Variants in SLC26A2 observed in about 807,000 individuals in gnomAD.
SLC26A2 encodes the protein solute carrier family 26 member 2.
A neutral mutation model predicts 41.1 loss-of-function variants in SLC26A2; 36 were observed. That is an observed-to-expected ratio of 0.88 (90% CI 0.67 to 1.16). The LOEUF is 1.16. Ranked by LOEUF, SLC26A2 falls within the 50% of genes most tolerant of loss-of-function variation. The probability of loss-of-function intolerance (pLI) is 0.00; values close to 1 mark genes in which losing one functional copy is unlikely to be tolerated. For missense variants in SLC26A2, 796 were observed against 869.6 expected (o/e 0.92, Z 1.07); for synonymous variants, 291 against 311.6 (o/e 0.93, Z 0.70).
rs1023258943 is a variant in SLC26A2, at chr5:149,986,376, C to T, written c.*4563C>T. On this transcript the variant is annotated 3_prime_UTR_variant, in exon 3 of 3. Transcript: ENST00000286298. ...TAATGGAAAAGGACAAAATAATATACCAGCTGGTTTGTTATTATAGTCCGT... is the reference window on the plus strand; with the variant it reads ...TAATGGAAAAGGACAAAATAATATATCAGCTGGTTTGTTATTATAGTCCGT... 5 of 151,554 alleles carry T rather than the reference C, an allele frequency of 3.3e-5. No individual in the cohort carries two copies. The highest frequency in any genetic ancestry group is 1.2e-4 in the African/African-American group (5 of 41,252). 9.4% of individuals were successfully genotyped at this position (151,554 alleles called of 1,614,324 possible). A position where few individuals can be genotyped will look rare whatever the true frequency, so the allele number is the denominator to read the frequency against.
chr5:149,971,934 A>G (rs1754912497), intron 1 of SLC26A2, among the ~76,000 whole-genome samples: 1 of 152,196 alleles, frequency 6.6e-6, no homozygotes, highest in African/African-American at 2.4e-5. Flanking sequence ...AGGGCCCTCC[A>G]GAATCCCCCT....
At chr5:149,967,650 C>A (rs1264012285) in intron 1 of SLC26A2, among the ~76,000 whole-genome samples, 1 of 152,170 alleles carries the variant, frequency 6.6e-6, no homozygotes, top group Non-Finnish European at 1.5e-5. Flanking sequence ...ATTTCCAAAA[C>A]TTGAAATGGA....
Position 149,987,171 on chromosome 5 carries a change from A to G in SLC26A2, c.*5358A>G, listed in dbSNP as rs1755212775. 1 of 152,196 alleles carries G rather than the reference A, an allele frequency of 6.6e-6. No individual in the cohort carries two copies. Among genetic ancestry groups the G allele is most frequent in the South Asian group, 2.1e-4 (1 of 4,832 alleles). The allele number at this position is 152,196 out of a possible 1,614,324, so 9.4% of individuals were successfully genotyped here. ...TATACTGTATTTTTTAATTAAAGCA[A>G]GTGCCTTGATGTAATTCCATGTAAA... is the stretch of plus-strand genomic sequence containing the variant. On this transcript the variant is annotated 3_prime_UTR_variant, in exon 3 of 3. Coordinates refer to ENST00000286298, the MANE Select transcript of SLC26A2 (RefSeq NM_000112.4).
chr5:149,981,354 C>T lies in SLC26A2; in HGVS notation c.1761C>T (p.Leu587=), dbSNP rs745590895. 7.2e-5 allele frequency: 116 copies of T among 1,613,954 alleles called. No homozygotes were observed. The highest frequency in any genetic ancestry group is 1.1e-5 in the Non-Finnish European group (13 of 1,179,982). The part of the protein sequence containing the change: ...GIKIFRFVAP[L]YYINKECFKS... Reference sequence around the variant, plus strand: ...AGATTTTCCGCTTTGTAGCCCCTCTCTACTACATAAACAAAGAATGCTTTA... The same window carrying T: ...AGATTTTCCGCTTTGTAGCCCCTCTTTACTACATAAACAAAGAATGCTTTA... Residue 587 remains leucine, a synonymous_variant, in exon 3 of 3, where the codon CTC becomes CTT. Coordinates refer to ENST00000286298, the MANE Select transcript of SLC26A2 (RefSeq NM_000112.4).
intron 1 of SLC26A2, chr5:149,962,051 G>T (rs936571503): frequency 1.3e-5 from 2 of 152,194 alleles, no homozygotes; most frequent in Admixed American, 6.5e-5. Flanking sequence ...TATGACTGCT[G>T]AGCAGTATAG....
At chr5:149,973,441 GTCTC>G (rs202209207) in intron 1 of SLC26A2, among the ~76,000 whole-genome samples, 1 of 151,122 alleles carries the variant, frequency 6.6e-6, no homozygotes, top group Non-Finnish European at 1.5e-5. Context: ...TCCTGAAACT[GTCTC>G]TCTCTCTCTG....
chr5:149,975,881 G>A (rs776229122), intron 1 of SLC26A2, among the ~76,000 whole-genome samples: 5 of 152,034 alleles, frequency 3.3e-5, no homozygotes, highest in Non-Finnish European at 5.9e-5. Context: ...GTCTCGGCTG[G>A]GTGCAGTGGC....
At chr5:149,966,619 A>G (rs1258378376) in intron 1 of SLC26A2, among the ~76,000 whole-genome samples, 4 of 151,258 alleles carry the variant, frequency 2.6e-5, no homozygotes, top group Non-Finnish European at 5.9e-5. Flanking sequence ...TTTTTTTAAT[A>G]TTTGTTTTAT....
chr5:149,986,268 G>T lies in SLC26A2; in HGVS notation c.*4455G>T, dbSNP rs1441878022. The T allele has an allele frequency of 2.5e-5, 3 of 120,572 alleles. No homozygotes were observed. The highest frequency in any genetic ancestry group is 5.0e-5 in the Non-Finnish European group (3 of 59,918). The allele number at this position is 120,572 out of a possible 1,614,324, so 7.5% of individuals were successfully genotyped here. A position where few individuals can be genotyped will look rare whatever the true frequency, so the allele number is the denominator to read the frequency against. ...TAGAAAGCTGTTAGGCTCCTAATTC[G>T]TGGGGTTTTTTTTTGTAAAAACAGT... On this transcript the variant is annotated 3_prime_UTR_variant, in exon 3 of 3. Transcript: ENST00000286298.
intron 1 of SLC26A2, among the ~76,000 whole-genome samples, chr5:149,973,373 T>G (rs1051900915): frequency 3.3e-5 from 5 of 152,134 alleles, no homozygotes; most frequent in African/African-American, 9.7e-5. Context: ...TTCCTGGACT[T>G]TCTTTGTTAT....
Position 149,977,832 on chromosome 5 carries a change from G to T in SLC26A2, c.180G>T (p.Glu60Asp). 1.2e-6 allele frequency: 2 copies of T among 1,614,184 alleles called. 1 individual carries two copies. The highest frequency in any genetic ancestry group is 1.7e-6 in the Non-Finnish European group (2 of 1,180,012). Residue 60 changes from glutamate to aspartate, a missense_variant, in exon 2 of 3, where the codon GAG becomes GAT. By Grantham distance (45) the Glu-to-Asp change is conservative. Transcript: ENST00000286298. ...PYHRILIERQ[E>D]KSDTNFKEFV... ...ATAGGATCCTTATTGAGCGTCAAGA[G>T]AAATCAGATACAAACTTCAAGGAGT...
intron 1 of SLC26A2, among the ~76,000 whole-genome samples, chr5:149,967,984 T>A (rs1229773371): frequency 1.3e-5 from 2 of 152,088 alleles, no homozygotes; most frequent in African/African-American, 4.8e-5. Context: ...GTCCTTTTTT[T>A]TTTTTTAGAT....
chr5:149,978,125 G>A lies in SLC26A2; in HGVS notation c.473G>A (p.Arg158His), dbSNP rs143658243. 31 of 1,605,500 alleles carry A rather than the reference G, an allele frequency of 1.9e-5. No individual in the cohort carries two copies. Among genetic ancestry groups the A allele is most frequent in the Middle Eastern group, 3.3e-4 (2 of 6,016 alleles). The change falls in exon 2 of 3, where the codon CGT becomes CAT. Residue 158 changes from arginine (R) to histidine (H), a missense_variant. Transcript: ENST00000286298. ...SIIYFLLGTS[R>H]HISVGIFGVL... is the part of the protein sequence containing the mutation. ...ATTTATTTTCTCTTGGGTACCTCCC[G>A]TCACATCTCTGTGGGCATTTTTGGA...
chr5:149,966,150 A>G lies in SLC26A2; in HGVS notation c.-26+5171A>G, dbSNP rs369471358. On this transcript the variant is annotated intron_variant, in intron 1 of 2. Transcript: ENST00000286298. ...GGACTCCTGAGCTCAAGTGATCCGC[A>G]TGCCTCGGCCTTCCGAAGTGCTGAG... 2.6e-5 allele frequency among the ~76,000 whole-genome samples: 4 copies of G among 152,290 alleles called. No individual in the cohort carries two copies. In the East Asian group the frequency reaches 5.8e-4, roughly 22 times the overall value.
At chr5:149,961,778 T>C (rs764795606) in intron 1 of SLC26A2, among the ~76,000 whole-genome samples, 16 of 152,084 alleles carry the variant, frequency 1.1e-4, no homozygotes, top group Non-Finnish European at 2.1e-4. Context: ...GCAGAACTTT[T>C]TGTTTTTGAA....
At chr5:149,973,822 T>C (rs1754945165) in intron 1 of SLC26A2, among the ~76,000 whole-genome samples, 1 of 152,020 alleles carries the variant, frequency 6.6e-6, no homozygotes, top group South Asian at 2.1e-4. Context: ...AAATATTTTT[T>C]CTAGGTAAAG....
chr5:149,961,787 A>G (rs1013267465), intron 1 of SLC26A2, among the ~76,000 whole-genome samples: 2 of 152,090 alleles, frequency 1.3e-5, no homozygotes, highest in African/African-American at 4.8e-5. Flanking sequence ...TTTGTTTTTG[A>G]AAATTGAATC....
At chr5:149,979,976 T>C (rs1554095245) in intron 2 of SLC26A2, among the ~76,000 whole-genome samples, 1 of 150,908 alleles carries the variant, frequency 6.6e-6, no homozygotes, top group Non-Finnish European at 1.5e-5. Flanking sequence ...GTCTGTTCTT[T>C]GTGATGGGAA....
chr5:149,966,938 C>A (rs556460686), intron 1 of SLC26A2, among the ~76,000 whole-genome samples: 1 of 152,258 alleles, frequency 6.6e-6, no homozygotes, highest in East Asian at 1.9e-4. Flanking sequence ...CCCAAGGCTG[C>A]GTATCCAGAG....
Sources: allele counts gnomAD v4.1 joint callset (sites outside exome capture counted in the v4.1 genomes callset), GRCh38; gene constraint gnomAD v4.1.1; transcripts MANE v1.5; gene names NCBI Gene and HGNC (gene_info 2026-07-23, HGNC 2026-07-21).